ACTN1: variants seen among roughly 807,000 people sequenced by gnomAD.
The protein encoded by ACTN1 is alpha-actinin-1.
In ACTN1, 30 loss-of-function variants were observed where a neutral mutation model predicts 119.6. The observed-to-expected ratio is 0.25, with a 90% CI of 0.19 to 0.34. The LOEUF is 0.34. Among genes scored for constraint, ACTN1 ranks in the 10% least tolerant of loss-of-function variants. The pLI is 1.00. For synonymous variants in ACTN1, 429 were observed against 472.6 expected, an observed-to-expected ratio of 0.91 and a Z score of 1.20; for missense variants, 764 against 1,223.4, an observed-to-expected ratio of 0.62 and a Z score of 5.60.
intron 1 of ACTN1, among the ~76,000 whole-genome samples, chr14:68,962,584 A>C (rs1383506382): frequency 1.3e-5 from 2 of 152,126 alleles, no homozygotes; most frequent in Non-Finnish European, 2.9e-5. Flanking sequence ...CTACTTCAAC[A>C]CATTTAAGAC....
At chr14:68,908,576 C>T (rs2033809410) in intron 6 of ACTN1, among the ~76,000 whole-genome samples, 1 of 152,182 alleles carries the variant, frequency 6.6e-6, no homozygotes, top group Non-Finnish European at 1.5e-5. Flanking sequence ...ATGGCCATGC[C>T]ATGTGGCCTC....
intron 1 of ACTN1, among the ~76,000 whole-genome samples, chr14:68,972,000 T>G (rs938046386): frequency 6.6e-6 from 1 of 152,050 alleles, no homozygotes; most frequent in African/African-American, 2.4e-5. Context: ...CCCCTTCCCC[T>G]GCCTACAACC....
chr14:68,953,811 C>A (rs187951527), intron 1 of ACTN1, among the ~76,000 whole-genome samples: 1 of 151,428 alleles, frequency 6.6e-6, no homozygotes, highest in Non-Finnish European at 1.5e-5. Flanking sequence ...CACCTAAACC[C>A]AGGAGGTGGA....
intron 1 of ACTN1, among the ~76,000 whole-genome samples, chr14:68,934,280 CA>C (rs993994898): frequency 2.0e-5 from 3 of 152,236 alleles, no homozygotes; most frequent in Non-Finnish European, 4.4e-5. Flanking sequence ...TGGGAGTCGG[CA>C]AAAGCTGGCA....
At chr14:68,877,995 G>C (rs2031082545) in intron 20 of ACTN1, 1 of 169,764 alleles carries the variant, frequency 5.9e-6, no homozygotes, top group Non-Finnish European at 1.3e-5. Flanking sequence ...TCTGTGCAAG[G>C]GGGGACAGAC....
chr14:68,896,306 G>C (rs1242432151), intron 8 of ACTN1, among the ~76,000 whole-genome samples: 1 of 152,110 alleles, frequency 6.6e-6, no homozygotes, highest in Non-Finnish European at 1.5e-5. Flanking sequence ...AAGCCCACTG[G>C]GTGGTGAGTT....
At chr14:68,971,665 G>A (rs760379466) in intron 1 of ACTN1, among the ~76,000 whole-genome samples, 2 of 152,092 alleles carry the variant, frequency 1.3e-5, no homozygotes, top group Non-Finnish European at 2.9e-5. Flanking sequence ...ACTGACAAAC[G>A]CATCTGACAT....
chr14:68,933,760 T>C (rs2140443399), intron 1 of ACTN1, among the ~76,000 whole-genome samples: 1 of 152,130 alleles, frequency 6.6e-6, no homozygotes, highest in African/African-American at 2.4e-5. Context: ...AGTGGAAGGA[T>C]CACTTGTGTC....
intron 7 of ACTN1, among the ~76,000 whole-genome samples, chr14:68,903,741 C>G (rs1594788412): frequency 6.6e-6 from 1 of 152,134 alleles, no homozygotes; most frequent in African/African-American, 2.4e-5. Flanking sequence ...CAGCCTGACC[C>G]CAGCCTGGAG....
At chr14:68,908,288 C>CA (rs1256108379) in intron 6 of ACTN1, among the ~76,000 whole-genome samples, 3 of 152,174 alleles carry the variant, frequency 2.0e-5, no homozygotes, top group Non-Finnish European at 2.9e-5. Flanking sequence ...CCGCCCGAAA[C>CA]AAAGGGCCTG....
At chr14:68,961,399 G>A (rs1237094379) in intron 1 of ACTN1, among the ~76,000 whole-genome samples, 4 of 152,164 alleles carry the variant, frequency 2.6e-5, no homozygotes, top group Admixed American at 2.0e-4. Flanking sequence ...TAGGAGAAAG[G>A]GTCTAAGATG....
chr14:68,902,638 G>T, intron 7 of ACTN1, 76 bp from the exon 8 acceptor site: 1 of 1,250,328 alleles, frequency 8.0e-7, no homozygotes, highest in Non-Finnish European at 1.2e-6. Context: ...GCAGAAAGAA[G>T]CTCGCAGCAC....
chr14:68,950,265 A>T (rs1252680134), intron 1 of ACTN1, among the ~76,000 whole-genome samples: 1 of 141,482 alleles, frequency 7.1e-6, no homozygotes, highest in African/African-American at 2.8e-5. Context: ...CTGTACTCCC[A>T]GTCTGGGTGA....
At chr14:68,897,467 CT>C (rs1161915879) in intron 8 of ACTN1, among the ~76,000 whole-genome samples, 3 of 151,686 alleles carry the variant, frequency 2.0e-5, no homozygotes, top group African/African-American at 7.3e-5. Context: ...CCAAGCCAAA[CT>C]GCTACCCTAA....
At position 68,878,525 on chromosome 14, in the gene ACTN1, TG is replaced by T; in HGVS notation, c.2362-3del. The stretch of plus-strand genomic sequence containing the variant: ...CGTGTCCATCATGCCTGTCTTCTTC[TG>T]TGGGGGGCAGTGGTACCAAGACACA... On this transcript the variant is annotated splice_region_variant and splice_polypyrimidine_tract_variant and intron_variant, in intron 19 of 21. Coordinates refer to ENST00000394419, the MANE Select transcript of ACTN1 (RefSeq NM_001130004.2). This position sits in a 1 kb window ranked among gnomAD's most constrained non-coding sequence, Gnocchi z 4.4. 1.2e-6 allele frequency: 2 copies of T among 1,607,880 alleles called. No individual in the cohort carries two copies. The highest frequency in any genetic ancestry group is 1.7e-6 in the Non-Finnish European group (2 of 1,176,366).
chr14:68,938,623 GGCTTTA>G (rs917182749), intron 1 of ACTN1, among the ~76,000 whole-genome samples: 6 of 152,110 alleles, frequency 3.9e-5, no homozygotes, highest in Non-Finnish European at 2.9e-5. Flanking sequence ...CTGGCTGTGT[GGCTTTA>G]GTTAAACTGT....
chr14:68,916,743 T>C (rs544068269), intron 3 of ACTN1, among the ~76,000 whole-genome samples: 1 of 152,312 alleles, frequency 6.6e-6, no homozygotes, highest in Admixed American at 6.5e-5. Flanking sequence ...TGGAAAAACC[T>C]TGGTGACAGA....
chr14:68,919,389 C>T (rs1474202661), intron 3 of ACTN1, among the ~76,000 whole-genome samples: 2 of 152,238 alleles, frequency 1.3e-5, no homozygotes, highest in African/African-American at 4.8e-5. Flanking sequence ...ACCTGGGTGA[C>T]TTTCTTTGGC....
chr14:68,882,366 C>A lies in ACTN1; in HGVS notation c.1953+92G>T. ...CTCCGGGCCTCAGTCCTCCATGGGT[C>A]CCACCCAGGGAGACAGGCAGCCTGG... is the stretch of plus-strand genomic sequence containing the variant. On this transcript the variant is annotated intron_variant, in intron 16 of 21. Coordinates refer to ENST00000394419, the MANE Select transcript of ACTN1 (RefSeq NM_001130004.2). The surrounding 1 kb of genome is among the most constrained non-coding windows in gnomAD (Gnocchi z 4.5). The A allele has an allele frequency of 6.5e-7, 1 of 1,540,196 alleles. No homozygotes were observed. Among genetic ancestry groups the A allele is most frequent in the African/African-American group, 1.4e-5 (1 of 73,750 alleles).
Sources: gnomAD v4.1 joint callset for allele counts (sites outside exome capture counted in the v4.1 genomes callset) on GRCh38, gnomAD v4.1.1 for gene constraint, Gnocchi (gnomAD v3.1) non-coding constraint, MANE v1.5 for transcripts, NCBI Gene and HGNC (gene_info 2026-07-23, HGNC 2026-07-21) for gene names.